Variants in ZNFX1 observed in about 807,000 individuals in gnomAD.
ZNFX1 encodes zinc finger NFX1-type containing 1.
ZNFX1 carries 78 observed loss-of-function variants against 179.8 expected under a neutral mutation model. That is an observed-to-expected ratio of 0.43 (90% CI 0.36 to 0.52). ZNFX1 has a LOEUF of 0.52. Ranked by LOEUF, ZNFX1 falls within the 20% of genes least tolerant of loss-of-function variation. The pLI is 0.00. For missense variants in ZNFX1, 1,927 were observed against 2,386.6 expected (o/e 0.81, Z 4.01); for synonymous variants, 848 against 868.5 (o/e 0.98, Z 0.42).
chr20:49,272,827 T>C (rs1981451912), intron 2 of ZNFX1, among the ~76,000 whole-genome samples: 1 of 152,328 alleles, frequency 6.6e-6, no homozygotes, highest in Middle Eastern at 3.4e-3. Flanking sequence ...TTCTGTAGCA[T>C]GAACTTCACC....
intron 1 of ZNFX1, among the ~76,000 whole-genome samples, chr20:49,276,759 A>T (rs1459014400): frequency 6.6e-6 from 1 of 152,216 alleles, no homozygotes; most frequent in Non-Finnish European, 1.5e-5. Flanking sequence ...GGAAACTGTG[A>T]CTACATTTGG....
At chr20:49,264,363 C>A (rs1171372707) in intron 5 of ZNFX1, among the ~76,000 whole-genome samples, 1 of 152,230 alleles carries the variant, frequency 6.6e-6, no homozygotes, top group Non-Finnish European at 1.5e-5. Context: ...TGTTCTCTCT[C>A]TTTTCCTTAG....
chr20:49,254,325 C>T (rs986427281), intron 10 of ZNFX1, among the ~76,000 whole-genome samples, 170 bp downstream of exon 10: 8 of 152,070 alleles, frequency 5.3e-5, no homozygotes, highest in South Asian at 2.1e-4. Flanking sequence ...CTGCGCCTGG[C>T]GAAAGTGAGT....
chr20:49,247,861 CT>C lies in ZNFX1; in HGVS notation c.5162del (p.Lys1721ArgfsTer5). 1 of 1,614,148 alleles carries C rather than the reference CT, an allele frequency of 6.2e-7. No individual in the cohort carries two copies. The highest frequency in any genetic ancestry group is 8.5e-7 in the Non-Finnish European group (1 of 1,180,012). On this transcript the variant is annotated frameshift_variant, in exon 14 of 14. Coordinates refer to ENST00000396105, the MANE Select transcript of ZNFX1 (RefSeq NM_021035.3). LOFTEE classifies it high-confidence loss of function. Reference protein sequence around the residue: ...HLASLWDSLKKMHVLEEKRVR... With the variant: ...HLASLWDSLKXMHVLEEKRVR... The stretch of plus-strand genomic sequence containing the variant: ...CTCTTTTCTCTTCTAAGACATGCAT[CT>C]TTTTCAGGGAATCCCACAGGCTGGC...
At chr20:49,251,649 A>T (rs1375769529) in intron 12 of ZNFX1, 27 bp from the exon 13 acceptor site, 1 of 1,578,058 alleles carries the variant, frequency 6.3e-7, no homozygotes, top group East Asian at 2.3e-5. Flanking sequence ...ATGTCATTAG[A>T]AACATGGGCA....
chr20:49,263,283 T>G (rs372382160), intron 6 of ZNFX1, 51 bp downstream of exon 6: 3 of 1,593,750 alleles, frequency 1.9e-6, no homozygotes, highest in Non-Finnish European at 2.6e-6. Context: ...GGAGGCTACC[T>G]CAAAGTACTG....
chr20:49,259,120 AAAT>A (rs779727053), intron 7 of ZNFX1, among the ~76,000 whole-genome samples: 28 of 89,544 alleles, frequency 3.1e-4, no homozygotes, highest in African/African-American at 4.6e-4. Flanking sequence ...AAAAAAAAAT[AAAT>A]AAATAAATAA....
intron 2 of ZNFX1, among the ~76,000 whole-genome samples, chr20:49,272,699 C>G (rs1282890001): frequency 6.6e-6 from 1 of 152,132 alleles, no homozygotes; most frequent in Non-Finnish European, 1.5e-5. Context: ...TGAATGCTGT[C>G]CAGCATCAGC....
intron 2 of ZNFX1, among the ~76,000 whole-genome samples, chr20:49,273,770 A>G (rs1362270215): frequency 6.6e-6 from 1 of 152,154 alleles, no homozygotes; most frequent in Non-Finnish European, 1.5e-5. Context: ...TCTCTACTAA[A>G]AATACAAAAA....
At position 49,275,805 on chromosome 20, in the gene ZNFX1, G is replaced by A. The variant is rs1014916263; in HGVS notation, c.35C>T (p.Pro12Leu). Residue 12 changes from proline to leucine, a missense_variant, in exon 2 of 14, where the codon CCC (proline) becomes CTC (leucine). Physicochemically the swap from Pro to Leu is moderately conservative, Grantham distance 98. Coordinates refer to ENST00000396105, the MANE Select transcript of ZNFX1 (RefSeq NM_021035.3). ...TCTGTGGTTGGTATGGGAATTCCTG[G>A]GCCTGGCATCCAGATGAGGTCTTCT... is the stretch of plus-strand genomic sequence containing the variant. ...EERRPHLDAR[P>L]RNSHTNHRGP... 1 of 1,614,014 alleles carries A rather than the reference G, an allele frequency of 6.2e-7. No individual in the cohort carries two copies. Among genetic ancestry groups the A allele is most frequent in the Non-Finnish European group, 8.5e-7 (1 of 1,179,982 alleles).
At chr20:49,277,507 G>T (rs1030926287) in intron 1 of ZNFX1, among the ~76,000 whole-genome samples, 1 of 151,486 alleles carries the variant, frequency 6.6e-6, no homozygotes, top group Admixed American at 6.6e-5. Context: ...GGAGGAATGA[G>T]GGGGGTGCGA....
At chr20:49,258,864 G>A (rs1349420864) in intron 7 of ZNFX1, among the ~76,000 whole-genome samples, 3 of 151,828 alleles carry the variant, frequency 2.0e-5, no homozygotes, top group African/African-American at 7.3e-5. Flanking sequence ...AGCACTCTGG[G>A]AGGCCGAGGT....
chr20:49,275,348 T>G (rs1234544331), intron 2 of ZNFX1, among the ~76,000 whole-genome samples: 1 of 151,986 alleles, frequency 6.6e-6, no homozygotes, highest in East Asian at 1.9e-4. Flanking sequence ...CTTTTTTTTT[T>G]TGAGACAAGG....
rs764004946 is a variant in ZNFX1, at chr20:49,249,115, G to A, written c.3909C>T (p.Thr1303=). 4.6e-5 allele frequency: 74 copies of A among 1,614,106 alleles called. No homozygotes were observed. Among genetic ancestry groups the A allele is most frequent in the Non-Finnish European group, 5.9e-5 (70 of 1,180,050 alleles). ...AAGAGTCATAAGGGTGGCAGGCACG[G>A]GTGCAGACATGCCCACAGCCCAGGC... ...EFRLGCGHVC[T]RACHPYDSSH... Residue 1303 remains threonine, a synonymous_variant, in exon 14 of 14, where the codon ACC becomes ACT. Coordinates refer to ENST00000396105, the MANE Select transcript of ZNFX1 (RefSeq NM_021035.3).
At chr20:49,272,348 T>C (rs923115702) in intron 2 of ZNFX1, among the ~76,000 whole-genome samples, 3 of 152,126 alleles carry the variant, frequency 2.0e-5, no homozygotes, top group South Asian at 2.1e-4. Context: ...GGCTAATTTT[T>C]ATATTTTTAG....
rs529416151 is a variant in ZNFX1, at chr20:49,255,042, C to CTTTT, written c.2805-397_2805-394dup. Among the ~76,000 whole-genome samples the CTTTT allele has an allele frequency of 6.1e-3, 835 of 137,124 alleles. 8 individuals are homozygous for CTTTT. The highest frequency in any genetic ancestry group is 0.021 in the African/African-American group (782 of 37,002). 90.0% of individuals were successfully genotyped at this position (137,124 alleles called of 152,430 possible). ...AAAACTTTCCAACGGCTTTCTACTACTTTTTTTTTTTTTTTTTTAAAAGAC... is the reference window on the plus strand; with the variant it reads ...AAAACTTTCCAACGGCTTTCTACTACTTTTTTTTTTTTTTTTTTTTTTAAAAGAC... On this transcript the variant is annotated intron_variant, in intron 9 of 13. Transcript: ENST00000396105.
intron 9 of ZNFX1, among the ~76,000 whole-genome samples, chr20:49,255,124 A>G (rs1275850578): frequency 8.0e-5 from 12 of 150,332 alleles, no homozygotes; most frequent in Non-Finnish European, 1.6e-4. Context: ...GGCTCACTAC[A>G]ACCTCCACCT....
chr20:49,260,450 A>T lies in ZNFX1; in HGVS notation c.2416+13T>A, dbSNP rs1277309937. On this transcript the variant is annotated intron_variant, in intron 7 of 13. Coordinates refer to ENST00000396105, the MANE Select transcript of ZNFX1 (RefSeq NM_021035.3). ...CGTTAAGATTTGATTCTAGGAAGAC[A>T]TGCACTTCTTACCTGTATTCTCAGG... The T allele has an allele frequency of 6.3e-7, 1 of 1,584,506 alleles. No homozygotes were observed. Among genetic ancestry groups the T allele is most frequent in the Admixed American group, 1.7e-5 (1 of 59,216 alleles).
At chr20:49,249,746 C>T in intron 13 of ZNFX1, 35 bp from the exon 14 acceptor site, 1 of 1,567,416 alleles carries the variant, frequency 6.4e-7, no homozygotes, top group South Asian at 1.2e-5. Context: ...TTAAAAGGTT[C>T]ACTCATGGCA....
Sources: allele counts gnomAD v4.1 joint callset (sites outside exome capture counted in the v4.1 genomes callset), GRCh38; gene constraint gnomAD v4.1.1; transcripts MANE v1.5; gene names NCBI Gene and HGNC (gene_info 2026-07-23, HGNC 2026-07-21).